The following TSC22D1 variants were observed in gnomAD, a reference collection of about 807,000 sequenced individuals.
TSC22D1 encodes the protein TSC22 domain family protein 1.
Under a neutral mutation model 74.2 loss-of-function variants are expected in TSC22D1, and 9 were observed. The observed-to-expected ratio is 0.12, with a 90% CI of 0.07 to 0.21. The LOEUF (loss-of-function observed/expected upper bound fraction) is 0.21. Ranked by LOEUF, TSC22D1 falls within the 10% of genes least tolerant of loss-of-function variation. The probability of loss-of-function intolerance (pLI) is 1.00; values close to 1 mark genes in which losing one functional copy is unlikely to be tolerated. For synonymous variants in TSC22D1, 586 were observed against 492.5 expected, an observed-to-expected ratio of 1.19 and a Z score of -2.51; for missense variants, 1,427 against 1,304.7, an observed-to-expected ratio of 1.09 and a Z score of -1.44.
chr13:44,434,279 G>T lies in TSC22D1; in HGVS notation c.*347C>A, dbSNP rs747327003. 1.4e-6 allele frequency: 2 copies of T among 1,387,180 alleles called. No homozygotes were observed. Among genetic ancestry groups the T allele is most frequent in the Non-Finnish European group, 9.2e-7 (1 of 1,081,624 alleles). The allele number at this position is 1,387,180 out of a possible 1,614,324, so 85.9% of individuals were successfully genotyped here. On this transcript the variant is annotated 3_prime_UTR_variant, in exon 3 of 3. Transcript: ENST00000458659. ...TGTAGGACACTAAGCGCAAGCAGGA[G>T]AGAGAACCCTTGGAAGTGAGGGGTA...
intron 1 of TSC22D1, among the ~76,000 whole-genome samples, chr13:44,554,644 A>C (rs1416936132): frequency 2.1e-5 from 3 of 145,198 alleles, no homozygotes; most frequent in Non-Finnish European, 4.7e-5. Flanking sequence ...AAAAAAAAAA[A>C]AAAAAAAAAA....
chr13:44,512,493 A>C (rs1879779594), intron 1 of TSC22D1, among the ~76,000 whole-genome samples: 1 of 151,828 alleles, frequency 6.6e-6, no homozygotes, highest in Non-Finnish European at 1.5e-5. Context: ...CAAACTCAAC[A>C]TGCCTTAAGC....
At chr13:44,542,541 G>A (rs1566163533) in intron 1 of TSC22D1, among the ~76,000 whole-genome samples, 1 of 152,086 alleles carries the variant, frequency 6.6e-6, no homozygotes, top group African/African-American at 2.4e-5. Context: ...GCTCACTGGA[G>A]AAAATGAATC....
chr13:44,560,119 A>C (rs1595168479), intron 1 of TSC22D1, among the ~76,000 whole-genome samples: 1 of 151,994 alleles, frequency 6.6e-6, no homozygotes, highest in East Asian at 1.9e-4. Context: ...GTTTTCCTTG[A>C]TATAGTATTT....
In TSC22D1 at chr13:44,575,165, T is replaced by C. The variant is rs1366566427; in HGVS notation, c.910A>G (p.Ile304Val). The C allele has an allele frequency of 5.6e-6, 9 of 1,614,162 alleles. No individual in the cohort carries two copies. In the East Asian group the frequency reaches 6.7e-5, roughly 12 times the overall value. ...GTACTAGTGCCAGTAACAGAATTTA[T>C]ACCTATTCCACCTGTAGTACTTGGA... Reference protein sequence around the residue: ...RAPSTTGGIGINSVTGTSTVN... With the variant: ...RAPSTTGGIGVNSVTGTSTVN... Residue 304 changes from isoleucine (I) to valine (V), a missense_variant, in exon 1 of 3, where the codon ATA becomes GTA. By Grantham distance (29) the Ile-to-Val change is conservative. This residue lies in a region of TSC22D1 where 1,343 missense variants were observed against 1,191.5 expected (regional missense o/e 1.13). Transcript: ENST00000458659.
intron 1 of TSC22D1, among the ~76,000 whole-genome samples, chr13:44,482,598 A>G (rs1001966915): frequency 2.0e-4 from 30 of 152,214 alleles, no homozygotes; most frequent in Admixed American, 1.8e-3. Context: ...TTACACTGCT[A>G]GTAACTGACA....
At chr13:44,547,844 T>C (rs1881930834) in intron 1 of TSC22D1, among the ~76,000 whole-genome samples, 1 of 152,124 alleles carries the variant, frequency 6.6e-6, no homozygotes, top group Non-Finnish European at 1.5e-5. Flanking sequence ...AGTGGCTAGT[T>C]ACGGGTACAA....
intron 2 of TSC22D1, 145 bp downstream of exon 2, chr13:44,435,899 G>T: frequency 1.1e-6 from 1 of 885,922 alleles, no homozygotes; most frequent in Non-Finnish European, 1.8e-6. Context: ...GCTCCACGCT[G>T]GCCGAATGGA....
rs942895050 is a variant in TSC22D1 at position 44,434,115 on chromosome 13, T to C, written c.*511A>G. 5 of 1,499,682 alleles carry C rather than the reference T, an allele frequency of 3.3e-6. No individual in the cohort carries two copies. In the Admixed American group the frequency reaches 1.0e-4, roughly 31 times the overall value. 92.9% of individuals were successfully genotyped at this position (1,499,682 alleles called of 1,614,324 possible). Reference sequence around the variant, plus strand: ...ACAGTACTATTGTTTTTTATGAATTTTGGTGACAGTTGTCAAATTTGTACA... The same window carrying C: ...ACAGTACTATTGTTTTTTATGAATTCTGGTGACAGTTGTCAAATTTGTACA... On this transcript the variant is annotated 3_prime_UTR_variant, in exon 3 of 3. Coordinates refer to ENST00000458659, the MANE Select transcript of TSC22D1 (RefSeq NM_183422.4).
intron 1 of TSC22D1, among the ~76,000 whole-genome samples, chr13:44,554,122 A>G (rs1882466292): frequency 6.6e-6 from 1 of 152,132 alleles, no homozygotes; most frequent in Non-Finnish European, 1.5e-5. Context: ...GATTTACAGA[A>G]CTATCAAGAA....
intron 1 of TSC22D1, among the ~76,000 whole-genome samples, chr13:44,453,429 C>T (rs571721173): frequency 1.3e-5 from 2 of 152,274 alleles, no homozygotes; most frequent in Admixed American, 6.5e-5. Flanking sequence ...CAGTAGATTT[C>T]GGTTATGCAT....
intron 1 of TSC22D1, among the ~76,000 whole-genome samples, chr13:44,554,044 T>C (rs1469640465): frequency 6.6e-6 from 1 of 152,178 alleles, no homozygotes; most frequent in African/African-American, 2.4e-5. Flanking sequence ...AAACAAGCTT[T>C]CCATTTTAAC....
intron 1 of TSC22D1, among the ~76,000 whole-genome samples, chr13:44,462,863 C>T (rs553244381): frequency 7.9e-5 from 12 of 152,074 alleles, no homozygotes; most frequent in Admixed American, 3.3e-4. Flanking sequence ...TCCATTAGGA[C>T]GATTAATGTG....
At chr13:44,550,660 C>T (rs1223702018) in intron 1 of TSC22D1, among the ~76,000 whole-genome samples, 1 of 151,682 alleles carries the variant, frequency 6.6e-6, no homozygotes, top group African/African-American at 2.4e-5. Context: ...TAAGCCACTT[C>T]TTAAAATATT....
chr13:44,553,377 G>GA (rs1882417189), intron 1 of TSC22D1, among the ~76,000 whole-genome samples: 1 of 150,956 alleles, frequency 6.6e-6, no homozygotes, highest in South Asian at 2.1e-4. Context: ...ATCAGTATTA[G>GA]AAAAAAACTA....
intron 1 of TSC22D1, chr13:44,537,209 A>T: frequency 3.4e-6 from 3 of 884,676 alleles, no homozygotes; most frequent in Non-Finnish European, 4.1e-6. Context: ...ATTCATAAAC[A>T]CTGAAAAATA....
chr13:44,508,068 G>A (rs1225275695), intron 1 of TSC22D1, among the ~76,000 whole-genome samples: 4 of 152,284 alleles, frequency 2.6e-5, no homozygotes, highest in South Asian at 2.1e-4. Context: ...GATTTGGAGG[G>A]AATTAAACTT....
intron 1 of TSC22D1, among the ~76,000 whole-genome samples, chr13:44,517,090 G>A (rs1001030253): frequency 6.6e-6 from 1 of 152,184 alleles, no homozygotes; most frequent in African/African-American, 2.4e-5. Context: ...ATACACGTGT[G>A]TGTTTGTGTG....
chr13:44,493,318 T>G (rs1049978707), intron 1 of TSC22D1, among the ~76,000 whole-genome samples: 10 of 152,168 alleles, frequency 6.6e-5, no homozygotes, highest in Non-Finnish European at 1.2e-4. Context: ...TTCAAAGAAC[T>G]GTGTTTGTCT....
Sources: allele counts gnomAD v4.1 joint callset (sites outside exome capture counted in the v4.1 genomes callset), GRCh38; gene constraint gnomAD v4.1.1; regional missense constraint gnomAD v4.1.1; transcripts MANE v1.5; gene names NCBI Gene and HGNC (gene_info 2026-07-23, HGNC 2026-07-21).